The following LRP1B variants were observed in gnomAD, a reference collection of about 807,000 sequenced individuals.
The protein encoded by LRP1B is low-density lipoprotein receptor-related protein 1B.
LRP1B carries 217 observed loss-of-function variants against 556.6 expected under a neutral mutation model. The observed-to-expected ratio is 0.39, with a 90% confidence interval of 0.35 to 0.44. The LOEUF is 0.44. Ranked by LOEUF, LRP1B falls within the 20% of genes least tolerant of loss-of-function variation. The probability of loss-of-function intolerance (pLI) is 1.00; values close to 1 mark genes in which losing one functional copy is unlikely to be tolerated. For synonymous variants in LRP1B, 2,047 were observed against 1,865.8 expected (o/e 1.10, Z -2.50); for missense variants, 5,053 against 5,620.8 (o/e 0.90, Z 3.23).
intron 3 of LRP1B, among the ~76,000 whole-genome samples, chr2:141,436,248 G>A (rs1195861194): frequency 6.6e-6 from 1 of 152,056 alleles, no homozygotes; most frequent in East Asian, 1.9e-4. Context: ...ACCATATGTA[G>A]TTACCATTGT....
intron 3 of LRP1B, among the ~76,000 whole-genome samples, chr2:141,359,109 G>A (rs891877082): frequency 6.6e-6 from 1 of 151,872 alleles, no homozygotes; most frequent in African/African-American, 2.4e-5. Flanking sequence ...TGTACCATGT[G>A]ATTAAAATTG....
At chr2:141,132,817 A>G (rs1319986788) in intron 7 of LRP1B, among the ~76,000 whole-genome samples, 3 of 152,080 alleles carry the variant, frequency 2.0e-5, no homozygotes, top group Non-Finnish European at 2.9e-5. Context: ...ACAAATATAA[A>G]AAAGTATAGC....
chr2:141,386,679 A>G (rs1689844963), intron 3 of LRP1B, among the ~76,000 whole-genome samples: 1 of 152,104 alleles, frequency 6.6e-6, no homozygotes, highest in East Asian at 1.9e-4. Flanking sequence ...ACATATAACA[A>G]TTATAAAAAT....
chr2:141,021,461 C>T (rs1698062022), intron 11 of LRP1B, among the ~76,000 whole-genome samples: 1 of 151,890 alleles, frequency 6.6e-6, no homozygotes, highest in Non-Finnish European at 1.5e-5. Flanking sequence ...GTTAATTGTG[C>T]CTATGCTTAG....
intron 67 of LRP1B, among the ~76,000 whole-genome samples, chr2:140,382,966 C>T (rs970631382): frequency 2.6e-5 from 4 of 152,124 alleles, no homozygotes; most frequent in African/African-American, 9.7e-5. Flanking sequence ...CAGTAACATG[C>T]TGTATAGGTT....
chr2:141,728,742 T>C (rs557020617), intron 2 of LRP1B, among the ~76,000 whole-genome samples: 2 of 152,310 alleles, frequency 1.3e-5, no homozygotes, highest in East Asian at 1.9e-4. Flanking sequence ...TCAAATATTA[T>C]AGACATGCTG....
intron 7 of LRP1B, among the ~76,000 whole-genome samples, chr2:141,137,927 C>A (rs1371824481): frequency 6.6e-6 from 1 of 151,192 alleles, no homozygotes; most frequent in Non-Finnish European, 1.5e-5. Context: ...GAAAGTACTT[C>A]CAACTTATTC....
At chr2:141,878,203 C>G (rs1698832821) in intron 1 of LRP1B, among the ~76,000 whole-genome samples, 1 of 151,672 alleles carries the variant, frequency 6.6e-6, no homozygotes, top group African/African-American at 2.4e-5. Flanking sequence ...CTATAGAGCA[C>G]AAGATGGCCA....
At chr2:142,067,103 CT>C (rs1029535355) in intron 1 of LRP1B, among the ~76,000 whole-genome samples, 6 of 151,510 alleles carry the variant, frequency 4.0e-5, no homozygotes, top group Admixed American at 6.6e-5. Context: ...CCAAACTCTG[CT>C]TCTGACATCA....
intron 27 of LRP1B, among the ~76,000 whole-genome samples, chr2:140,863,074 T>C (rs1692846255): frequency 6.6e-6 from 1 of 152,160 alleles, no homozygotes; most frequent in Non-Finnish European, 1.5e-5. Flanking sequence ...TTGCCTACAG[T>C]AGGTTGTGGA....
At chr2:140,781,905 T>G (rs1689712441) in intron 32 of LRP1B, among the ~76,000 whole-genome samples, 1 of 152,330 alleles carries the variant, frequency 6.6e-6, no homozygotes, top group Non-Finnish European at 1.5e-5. Context: ...TTTGTACTAA[T>G]TTTGACTCCT....
chr2:141,297,421 T>C (rs1228539168), intron 3 of LRP1B, among the ~76,000 whole-genome samples: 1 of 152,194 alleles, frequency 6.6e-6, no homozygotes, highest in African/African-American at 2.4e-5. Flanking sequence ...AAGTAAGAGT[T>C]GAAGTGCTTT....
intron 3 of LRP1B, among the ~76,000 whole-genome samples, chr2:141,329,499 C>T (rs1687555101): frequency 6.6e-6 from 1 of 151,616 alleles, no homozygotes; most frequent in African/African-American, 2.4e-5. Flanking sequence ...GAAAAATTAG[C>T]CGGGTGTGGT....
chr2:141,874,440 T>G (rs912277064), intron 1 of LRP1B, among the ~76,000 whole-genome samples: 20 of 151,998 alleles, frequency 1.3e-4, no homozygotes, highest in African/African-American at 4.1e-4. Context: ...CAAACAACTT[T>G]GGACTTATAT....
chr2:141,276,858 C>G (rs951176660), intron 3 of LRP1B, among the ~76,000 whole-genome samples: 3 of 151,884 alleles, frequency 2.0e-5, no homozygotes, highest in South Asian at 2.1e-4. Context: ...GGGTTTCACC[C>G]TGTTAGCCAG....
At chr2:140,685,599 A>G (rs1181025520) in intron 41 of LRP1B, among the ~76,000 whole-genome samples, 1 of 152,168 alleles carries the variant, frequency 6.6e-6, no homozygotes, top group Non-Finnish European at 1.5e-5. Context: ...AGAGGTTCAT[A>G]TTCCCTTCCC....
chr2:141,706,295 G>A (rs971579918), intron 2 of LRP1B, among the ~76,000 whole-genome samples: 2 of 152,126 alleles, frequency 1.3e-5, no homozygotes, highest in African/African-American at 4.8e-5. Context: ...TGTCTTCTCC[G>A]CCATGTAAAT....
chr2:140,509,838 G>C (rs1689577000), intron 52 of LRP1B, 90 bp downstream of exon 52: 2 of 1,517,986 alleles, frequency 1.3e-6, no homozygotes, highest in East Asian at 4.6e-5. Flanking sequence ...AAAGCAATGG[G>C]AAATGTGCTA....
intron 85 of LRP1B, among the ~76,000 whole-genome samples, chr2:140,272,185 AG>A (rs778238308): frequency 4.0e-5 from 6 of 151,772 alleles, no homozygotes; most frequent in Non-Finnish European, 7.4e-5. Flanking sequence ...TACATCAAAG[AG>A]TGCAGCTCAT....
Sources: allele counts gnomAD v4.1 joint callset (sites outside exome capture counted in the v4.1 genomes callset), GRCh38; gene constraint gnomAD v4.1.1; transcripts MANE v1.5; gene names NCBI Gene and HGNC (gene_info 2026-07-23, HGNC 2026-07-21).